The following CYRIB variants were observed in gnomAD, a reference collection of about 807,000 sequenced individuals.
CYRIB encodes the protein CYFIP-related Rac1 interactor B.
In CYRIB, 8 loss-of-function variants were observed where a neutral mutation model predicts 44.2. That is an observed-to-expected ratio of 0.18 (90% CI 0.11 to 0.33). The LOEUF is 0.33. CYRIB is among the 10% of genes least tolerant of loss of function. CYRIB has a pLI of 1.00. For synonymous variants in CYRIB, 131 were observed against 127.2 expected (o/e 1.03, Z -0.20); for missense variants, 185 against 382.8 (o/e 0.48, Z 4.31).
chr8:129,950,744 G>A (rs1329893937), intron 2 of CYRIB, among the ~76,000 whole-genome samples: 1 of 152,010 alleles, frequency 6.6e-6, no homozygotes, highest in Non-Finnish European at 1.5e-5. Flanking sequence ...GATGCTGTTG[G>A]TATAAAGCTG....
chr8:129,967,630 C>T (rs1468306455), intron 2 of CYRIB, among the ~76,000 whole-genome samples: 2 of 152,180 alleles, frequency 1.3e-5, no homozygotes, highest in African/African-American at 4.8e-5. Context: ...CCGCCTGCCT[C>T]AGCCTCCCAA....
At chr8:129,892,593 T>C (rs1564732335) in intron 2 of CYRIB, among the ~76,000 whole-genome samples, 1 of 152,194 alleles carries the variant, frequency 6.6e-6, no homozygotes, top group Non-Finnish European at 1.5e-5. Context: ...TATTTTATTT[T>C]AGAAAAGTTT....
intron 2 of CYRIB, among the ~76,000 whole-genome samples, chr8:129,953,081 C>T (rs953902578): frequency 1.3e-5 from 2 of 152,206 alleles, no homozygotes; most frequent in African/African-American, 4.8e-5. Context: ...TCAAGCATTT[C>T]ATCTAGGGTC....
intron 4 of CYRIB, 33 bp downstream of exon 6, chr8:129,871,342 C>A: frequency 6.3e-7 from 1 of 1,583,526 alleles, no homozygotes; most frequent in South Asian, 1.2e-5. Flanking sequence ...CAGTAAGTTT[C>A]AGTTAACTAG....
In CYRIB at chr8:129,997,119, A is replaced by AAGGAGGAGGAGG. The variant is rs138647640; in HGVS notation, c.-296+19239_-296+19250dup. Among the ~76,000 whole-genome samples the AAGGAGGAGGAGG allele has an allele frequency of 4.1e-3, 372 of 89,862 alleles. 1 individual carries two copies. Among genetic ancestry groups the AAGGAGGAGGAGG allele is most frequent in the East Asian group, 0.012 (36 of 2,906 alleles). The allele number at this position is 89,862 out of a possible 152,430, so 59.0% of individuals were successfully genotyped here. The stretch of plus-strand genomic sequence containing the variant: ...GAGGGAAGGAAGGAAGGAAGGAAGG[A>AAGGAGGAGGAGG]AGGAGGAGGAGGAGGAGGAGGGAGG... On this transcript the variant is annotated intron_variant, in intron 1 of 14. Coordinates refer to the CYRIB transcript ENST00000401979.
At chr8:129,915,178 A>G (rs2624809) in intron 1 of CYRIB, among the ~76,000 whole-genome samples, 23,506 of 152,236 alleles carry the variant, frequency 0.15, 2,368 homozygotes, top group Non-Finnish European at 0.21. Flanking sequence ...GTTCATACAA[A>G]GAATCATACA....
At chr8:129,952,440 A>G (rs1446214250) in intron 2 of CYRIB, among the ~76,000 whole-genome samples, 1 of 152,196 alleles carries the variant, frequency 6.6e-6, no homozygotes, top group East Asian at 1.9e-4. Context: ...TATATAATAG[A>G]ATGCAAAATT....
intron 1 of CYRIB, among the ~76,000 whole-genome samples, chr8:129,935,979 T>C (rs2092724467): frequency 6.6e-6 from 1 of 152,216 alleles, no homozygotes. Context: ...ATGTGACTCA[T>C]TTGCATTCTA....
At chr8:129,917,615 T>C (rs2081397872) in intron 1 of CYRIB, among the ~76,000 whole-genome samples, 1 of 152,150 alleles carries the variant, frequency 6.6e-6, no homozygotes, top group Non-Finnish European at 1.5e-5. Flanking sequence ...TCCCAGCACT[T>C]TGGGAGGCCA....
At chr8:129,855,440 G>T (rs1587376251) in intron 6 of CYRIB, 171 bp downstream of exon 8, 1 of 602,242 alleles carries the variant, frequency 1.7e-6, no homozygotes, top group Non-Finnish European at 2.7e-6. Flanking sequence ...TTTGCTCTTT[G>T]CCATGTATCA....
intron 2 of CYRIB, among the ~76,000 whole-genome samples, chr8:129,969,612 T>C (rs2095614770): frequency 1.3e-5 from 2 of 152,178 alleles, no homozygotes; most frequent in Non-Finnish European, 2.9e-5. Context: ...AGGTCTCAGG[T>C]TGGAGACAAA....
rs184819535 is a variant in CYRIB at position 130,011,625 on chromosome 8, A to G, written c.-296+4745T>C. On this transcript the variant is annotated intron_variant, in intron 1 of 14. Transcript: ENST00000401979. ...AAGGTCAGCAGATTGAGACCATCCT[A>G]GCAAACACGGTAAAACCCCATCTCT... is the stretch of plus-strand genomic sequence containing the variant. 1.6e-3 allele frequency among the ~76,000 whole-genome samples: 243 copies of G among 151,892 alleles called. 3 individuals are homozygous for G. The highest frequency in any genetic ancestry group is 4.9e-3 in the African/African-American group (201 of 41,368).
intron 1 of CYRIB, among the ~76,000 whole-genome samples, chr8:129,928,586 G>C (rs1298713177): frequency 6.6e-6 from 1 of 151,762 alleles, no homozygotes; most frequent in Non-Finnish European, 1.5e-5. Flanking sequence ...CTTGAGCCCA[G>C]GAGTTCTAGG....
chr8:129,928,972 A>G (rs1468770589), intron 1 of CYRIB, among the ~76,000 whole-genome samples: 2 of 152,226 alleles, frequency 1.3e-5, no homozygotes, highest in Admixed American at 6.5e-5. Context: ...ATGTCCACAC[A>G]TATCTGCATA....
intron 4 of CYRIB, among the ~76,000 whole-genome samples, chr8:129,870,517 C>T (rs2056729403): frequency 6.6e-6 from 1 of 152,226 alleles, no homozygotes; most frequent in African/African-American, 2.4e-5. Flanking sequence ...GGTGTCTGCA[C>T]TTGATTCTGC....
intron 5 of CYRIB, among the ~76,000 whole-genome samples, chr8:129,857,134 C>T (rs985959260): frequency 5.9e-5 from 9 of 152,118 alleles, no homozygotes; most frequent in Admixed American, 3.9e-4. Flanking sequence ...TGAAAATGTA[C>T]TGACTGGCTA....
chr8:129,910,343 A>T (rs2077305553), intron 1 of CYRIB, among the ~76,000 whole-genome samples: 2 of 152,168 alleles, frequency 1.3e-5, no homozygotes. Flanking sequence ...ATAACTTAAA[A>T]ATGTTTAGGA....
intron 1 of CYRIB, 66 bp downstream of exon 3, chr8:129,904,433 T>C (rs1373321840): frequency 1.3e-5 from 2 of 152,014 alleles, no homozygotes; most frequent in South Asian, 4.2e-4. Context: ...CTTTATTGCT[T>C]TCTCACAGGG....
Position 129,950,571 on chromosome 8 carries a change from GAA to G in CYRIB, c.-243+20370_-243+20371del, listed in dbSNP as rs1231298522. On this transcript the variant is annotated intron_variant, in intron 2 of 14. Coordinates refer to the CYRIB transcript ENST00000401979. ...GGTGACAAAGCAAGACCATCTCAAAGAAAAAAAAAAAAATGAAGAAACTAATG... is the reference window on the plus strand; with the variant it reads ...GGTGACAAAGCAAGACCATCTCAAAGAAAAAAAAAAATGAAGAAACTAATG... 6.1e-3 allele frequency among the ~76,000 whole-genome samples: 776 copies of G among 128,104 alleles called. 9 individuals are homozygous for G. The highest frequency in any genetic ancestry group is 0.02 in the African/African-American group (733 of 35,952). The allele number at this position is 128,104 out of a possible 152,430, so 84.0% of individuals were successfully genotyped here. A position where few individuals can be genotyped will look rare whatever the true frequency, so the allele number is the denominator to read the frequency against.
Sources: gnomAD v4.1 joint callset for allele counts (sites outside exome capture counted in the v4.1 genomes callset) on GRCh38, gnomAD v4.1.1 for gene constraint, MANE v1.5 for transcripts, NCBI Gene and HGNC (gene_info 2026-07-23, HGNC 2026-07-21) for gene names.